Variants in FCGRT observed in about 807,000 individuals in gnomAD.
FCGRT encodes the protein IgG receptor FcRn large subunit p51.
FCGRT carries 13 observed loss-of-function variants against 35.7 expected under a neutral mutation model. The ratio of observed to expected loss-of-function variants is 0.36; its 90% confidence interval spans 0.24 to 0.58. The LOEUF (loss-of-function observed/expected upper bound fraction) is 0.58. Among genes scored for constraint, FCGRT ranks in the 20% least tolerant of loss-of-function variants. The pLI is 0.77. For missense variants in FCGRT, 455 were observed against 474.9 expected, an observed-to-expected ratio of 0.96 and a Z score of 0.39; for synonymous variants, 233 against 216.5, an observed-to-expected ratio of 1.08 and a Z score of -0.67.
chr19:49,522,504 T>G (rs1478102774), intron 4 of FCGRT, among the ~76,000 whole-genome samples: 4 of 152,016 alleles, frequency 2.6e-5, no homozygotes, highest in Non-Finnish European at 5.9e-5. Context: ...CAATCTTGGC[T>G]CAATGCAACC....
chr19:49,526,378 A>T lies in FCGRT; in HGVS notation c.*259A>T. ...TTTCAGGCAGGGGAGGTAAGGGAATAAGTCGGGGGACTGAATGGCGGCTGG... is the reference window on the plus strand; with the variant it reads ...TTTCAGGCAGGGGAGGTAAGGGAATTAGTCGGGGGACTGAATGGCGGCTGG... On this transcript the variant is annotated 3_prime_UTR_variant, in exon 7 of 7. Coordinates refer to ENST00000221466, the MANE Select transcript of FCGRT (RefSeq NM_001136019.3). 4.0e-6 allele frequency: 2 copies of T among 502,300 alleles called. No individual in the cohort carries two copies. The highest frequency in any genetic ancestry group is 4.6e-5 in the South Asian group (2 of 43,192). 31.1% of individuals were successfully genotyped at this position (502,300 alleles called of 1,614,324 possible).
chr19:49,522,876 C>T (rs1464978941), intron 4 of FCGRT, among the ~76,000 whole-genome samples: 6 of 146,434 alleles, frequency 4.1e-5, no homozygotes, highest in Admixed American at 2.8e-4. Flanking sequence ...CTCCCGGGTT[C>T]ACGCCATTCT....
At chr19:49,520,673 A>G (rs977339091) in intron 4 of FCGRT, 2 of 152,250 alleles carry the variant, frequency 1.3e-5, no homozygotes, top group Admixed American at 1.3e-4. Flanking sequence ...AAACAGAACC[A>G]AAGGCCAGAC....
At chr19:49,514,571 T>G in intron 4 of FCGRT, 85 bp downstream of exon 4, 1 of 1,328,332 alleles carries the variant, frequency 7.5e-7, no homozygotes, top group African/African-American at 1.5e-5. Flanking sequence ...GGACCCTCCA[T>G]CAGCCTCCCA....
Position 49,513,896 on chromosome 19 carries a change from C to T in FCGRT, c.88C>T (p.Leu30Phe). Residue 30 changes from leucine to phenylalanine, a missense_variant, in exon 3 of 7, where the codon CTC becomes TTC. Leu to Phe is a conservative substitution (Grantham distance 22). Coordinates refer to ENST00000221466, the MANE Select transcript of FCGRT (RefSeq NM_001136019.3). ...TCTGTCTGCAGAAAGCCACCTCTCC[C>T]TCCTGTACCACCTTACCGCGGTGTC... ...GSLGAESHLS[L>F]LYHLTAVSSP... 1 of 1,605,962 alleles carries T rather than the reference C, an allele frequency of 6.2e-7. No individual in the cohort carries two copies. The highest frequency in any genetic ancestry group is 1.3e-5 in the African/African-American group (1 of 74,804).
At chr19:49,520,148 T>TTTTTTTTTGGGG (rs2080032565) in intron 4 of FCGRT, among the ~76,000 whole-genome samples, 1 of 138,716 alleles carries the variant, frequency 7.2e-6, no homozygotes, top group Non-Finnish European at 1.5e-5. Context: ...TTTTTTTTTT[T>TTTTTTTTTGGGG]GAGAGGGCGT....
chr19:49,513,354 T>TGGGGG, intron 1 of FCGRT, 33 bp from the exon 2 acceptor site: 81 of 380,580 alleles, frequency 2.1e-4, no homozygotes, highest in Middle Eastern at 1.2e-3. Context: ...GGGCCGGGGG[T>TGGGGG]CGGGAGGAGT....
In FCGRT at chr19:49,526,388, A is replaced by G; in HGVS notation, c.*269A>G. On this transcript the variant is annotated 3_prime_UTR_variant, in exon 7 of 7. Coordinates refer to ENST00000221466, the MANE Select transcript of FCGRT (RefSeq NM_001136019.3). ...GGGAGGTAAGGGAATAAGTCGGGGG[A>G]CTGAATGGCGGCTGGGCCTCGGATC... The G allele has an allele frequency of 2.1e-6, 1 of 481,248 alleles. No individual in the cohort carries two copies. The highest frequency in any genetic ancestry group is 3.7e-6 in the Non-Finnish European group (1 of 269,582). 29.8% of individuals were successfully genotyped at this position (481,248 alleles called of 1,614,324 possible).
At chr19:49,520,647 G>A (rs2080035795) in intron 4 of FCGRT, 1 of 152,134 alleles carries the variant, frequency 6.6e-6, no homozygotes, top group African/African-American at 2.4e-5. Context: ...TGCCTGACCT[G>A]GTTTGGTATT....
chr19:49,517,624 A>G (rs2080016025), intron 4 of FCGRT, among the ~76,000 whole-genome samples: 1 of 152,124 alleles, frequency 6.6e-6, no homozygotes, highest in African/African-American at 2.4e-5. Context: ...AATTTCACGC[A>G]CATCCTCACT....
In FCGRT at chr19:49,516,716, C is replaced by T. The variant is rs182261712; in HGVS notation, c.601+2230C>T. ...GGATTACAGGCACACACCACCATGC[C>T]TGGCTAATTTTTGTATTTTTAGTAG... is the stretch of plus-strand genomic sequence containing the variant. On this transcript the variant is annotated intron_variant, in intron 4 of 6. Coordinates refer to ENST00000221466, the MANE Select transcript of FCGRT (RefSeq NM_001136019.3). 9.9e-4 allele frequency among the ~76,000 whole-genome samples: 150 copies of T among 151,906 alleles called. 1 individual carries two copies. Among genetic ancestry groups the T allele is most frequent in the African/African-American group, 2.9e-3 (119 of 41,462 alleles).
At chr19:49,517,226 C>T (rs1018294596) in intron 4 of FCGRT, among the ~76,000 whole-genome samples, 2 of 152,030 alleles carry the variant, frequency 1.3e-5, no homozygotes, top group Non-Finnish European at 2.9e-5. Flanking sequence ...TGCAGTGGCT[C>T]ACGCCTGTAA....
chr19:49,516,008 T>C, intron 4 of FCGRT: 1 of 346,120 alleles, frequency 2.9e-6, no homozygotes, highest in Non-Finnish European at 5.6e-6. Context: ...GGCCCCCAGA[T>C]CCCCACTCAT....
chr19:49,514,935 G>A (rs1263783673), intron 4 of FCGRT, among the ~76,000 whole-genome samples: 14 of 150,108 alleles, frequency 9.3e-5, no homozygotes, highest in African/African-American at 3.2e-4. Context: ...CAGGTGATCC[G>A]CCCACCTCAG....
intron 6 of FCGRT, 33 bp downstream of exon 6, chr19:49,525,606 G>A (rs2080070465): frequency 6.9e-7 from 1 of 1,449,872 alleles, no homozygotes; most frequent in Non-Finnish European, 9.7e-7. Context: ...GCCTCTGAGA[G>A]AGGGACAGAG....
At chr19:49,513,312 G>C in intron 1 of FCGRT, 75 bp from the exon 2 acceptor site, 2 of 686,410 alleles carry the variant, frequency 2.9e-6, no homozygotes, top group Non-Finnish European at 4.2e-6. Context: ...CCTGGTCCCG[G>C]CCGTGCCCGC....
Position 49,513,481 on chromosome 19 carries a change from C to T in FCGRT, c.73+8C>T. The T allele has an allele frequency of 8.1e-7, 1 of 1,242,176 alleles. No homozygotes were observed. 76.9% of individuals were successfully genotyped at this position (1,242,176 alleles called of 1,614,324 possible). ...CTGGGAGCCTGGGCGCAGGTGAGGGCCGCTCCGGGCCAGGGCCCTGCTGCA... is the reference window on the plus strand; with the variant it reads ...CTGGGAGCCTGGGCGCAGGTGAGGGTCGCTCCGGGCCAGGGCCCTGCTGCA... On this transcript the variant is annotated splice_region_variant and intron_variant, in intron 2 of 6. Transcript: ENST00000221466.
At chr19:49,522,829 GTGCAGTGGCGCAATCTCGGCTCAC>G (rs1273211204) in intron 4 of FCGRT, among the ~76,000 whole-genome samples, 3 of 141,156 alleles carry the variant, frequency 2.1e-5, no homozygotes, top group Non-Finnish European at 1.5e-5. Context: ...CCAGGCTGGA[GTGCAGTGGCGCAATCTCGGCTCAC>G]TGCAAGCTCC....
At position 49,524,615 on chromosome 19, in the gene FCGRT, G is replaced by T. The variant is rs147601685; in HGVS notation, c.710G>T (p.Arg237Leu). 6.2e-7 allele frequency: 1 copy of T among 1,610,878 alleles called. No homozygotes were observed. The highest frequency in any genetic ancestry group is 8.5e-7 in the Non-Finnish European group (1 of 1,180,012). Reference sequence around the variant, plus strand: ...CCGGAGCTGCAACTTCGGTTCCTGCGGAATGGGCTGGCCGCTGGCACCGGC... The same window carrying T: ...CCGGAGCTGCAACTTCGGTTCCTGCTGAATGGGCTGGCCGCTGGCACCGGC... ...YPPELQLRFL[R>L]NGLAAGTGQG... The change falls in exon 5 of 7, where the codon CGG becomes CTG. Residue 237 changes from arginine to leucine, a missense_variant. By Grantham distance (102) the Arg-to-Leu change is moderately radical. Transcript: ENST00000221466.
Sources: gnomAD v4.1 joint callset for allele counts (sites outside exome capture counted in the v4.1 genomes callset) on GRCh38, gnomAD v4.1.1 for gene constraint, MANE v1.5 for transcripts, NCBI Gene and HGNC (gene_info 2026-07-23, HGNC 2026-07-21) for gene names.